Variants in RNLS observed in about 807,000 individuals in gnomAD.
The protein encoded by RNLS is renalase, FAD dependent amine oxidase, also known as renalase.
Under a neutral mutation model 39.8 loss-of-function variants are expected in RNLS, and 39 were observed. That is an observed-to-expected ratio of 0.98 (90% CI 0.76 to 1.28). RNLS has a LOEUF of 1.28. Ranked by LOEUF, RNLS falls within the 50% of genes most tolerant of loss-of-function variation. RNLS has a pLI of 0.00. For synonymous variants in RNLS, 147 were observed against 150.7 expected, an observed-to-expected ratio of 0.98 and a Z score of 0.18; for missense variants, 410 against 413.3, an observed-to-expected ratio of 0.99 and a Z score of 0.07.
At chr10:88,574,715 T>TCA (rs1850055651) in intron 3 of RNLS, among the ~76,000 whole-genome samples, 1 of 152,200 alleles carries the variant, frequency 6.6e-6, no homozygotes, top group African/African-American at 2.4e-5. Context: ...ACAGTGTGCA[T>TCA]CATTCTGTTC....
the RNLS span, among the ~76,000 whole-genome samples, chr10:88,202,133 T>C: frequency 6.6e-6 from 1 of 151,186 alleles, no homozygotes; most frequent in Non-Finnish European, 1.5e-5. Flanking sequence ...AAATGATGAG[T>C]TCATGTCCTT....
intron 5 of RNLS, among the ~76,000 whole-genome samples, chr10:88,344,666 G>A (rs1457714625): frequency 1.3e-5 from 2 of 152,018 alleles, no homozygotes; most frequent in African/African-American, 4.8e-5. Flanking sequence ...GTTCTAAAGT[G>A]CCTTTCCTGA....
chr10:88,538,052 TAA>T (rs1233993561), intron 4 of RNLS, among the ~76,000 whole-genome samples: 1 of 152,148 alleles, frequency 6.6e-6, no homozygotes, highest in East Asian at 1.9e-4. Context: ...AAAATATAAT[TAA>T]TGTTCAGAGA....
rs573595119 is a variant in RNLS at position 88,357,224 on chromosome 10, A to G, written c.700+5328T>C. ...TTTGGTATTGGTATGGTATTATTTT[A>G]CTTATCTTATTGAGGAGGCAACAGA... On this transcript the variant is annotated intron_variant, in intron 5 of 6. Transcript: ENST00000331772. 5.3e-5 allele frequency among the ~76,000 whole-genome samples: 8 copies of G among 152,328 alleles called. No homozygotes were observed. The South Asian group carries it at 1.7e-3, about 32-fold the overall frequency.
At chr10:88,174,519 T>C in the RNLS span, among the ~76,000 whole-genome samples, 18 of 152,332 alleles carry the variant, frequency 1.2e-4, no homozygotes, top group Middle Eastern at 0.014. Flanking sequence ...GAGATGATCA[T>C]ATGTTTTTTG....
At chr10:88,304,260 G>C (rs1332721397) in intron 6 of RNLS, among the ~76,000 whole-genome samples, 2 of 152,186 alleles carry the variant, frequency 1.3e-5, no homozygotes, top group East Asian at 3.8e-4. Flanking sequence ...ATCAGTGCAA[G>C]AACCCTGAAA....
At chr10:88,455,649 G>A (rs1247432699) in intron 4 of RNLS, among the ~76,000 whole-genome samples, 4 of 151,994 alleles carry the variant, frequency 2.6e-5, no homozygotes, top group Non-Finnish European at 5.9e-5. Flanking sequence ...CTCGTGATCC[G>A]CCTGCCTCGA....
chr10:88,478,196 C>A (rs1229338686), intron 4 of RNLS, among the ~76,000 whole-genome samples: 1 of 152,160 alleles, frequency 6.6e-6, no homozygotes, highest in Non-Finnish European at 1.5e-5. Flanking sequence ...TACCTAAATG[C>A]ATTCCTTGTC....
intron 4 of RNLS, among the ~76,000 whole-genome samples, chr10:88,402,097 A>G (rs1002681041): frequency 6.6e-6 from 1 of 151,864 alleles, no homozygotes; most frequent in African/African-American, 2.4e-5. Flanking sequence ...TCAAAGAATG[A>G]GGATTTTTTT....
At chr10:88,317,268 A>G (rs1410682467) in intron 5 of RNLS, among the ~76,000 whole-genome samples, 3 of 152,184 alleles carry the variant, frequency 2.0e-5, no homozygotes, top group Admixed American at 2.0e-4. Context: ...CTCAGGCTTC[A>G]CTTTTTTCCA....
chr10:88,347,784 C>T (rs2133261537), intron 5 of RNLS, among the ~76,000 whole-genome samples: 1 of 152,180 alleles, frequency 6.6e-6, no homozygotes, highest in East Asian at 1.9e-4. Context: ...TTTCTTTTCG[C>T]CCTTTCTTTG....
At chr10:88,181,049 C>G in the RNLS span, among the ~76,000 whole-genome samples, 9 of 152,158 alleles carry the variant, frequency 5.9e-5, no homozygotes, top group Non-Finnish European at 1.0e-4. Flanking sequence ...TGTTAAATTA[C>G]ATGACAACTT....
At chr10:88,505,345 G>A (rs1845728295) in intron 4 of RNLS, among the ~76,000 whole-genome samples, 1 of 151,786 alleles carries the variant, frequency 6.6e-6, no homozygotes, top group South Asian at 2.1e-4. Context: ...GTAAAAAGAG[G>A]GAAAGGAGGA....
At chr10:88,380,219 C>G (rs1851339497) in intron 4 of RNLS, among the ~76,000 whole-genome samples, 1 of 152,108 alleles carries the variant, frequency 6.6e-6, no homozygotes, top group Admixed American at 6.6e-5. Context: ...GGTTATTTGT[C>G]TTGCTCATAT....
At chr10:88,463,865 T>C (rs1443571409) in intron 4 of RNLS, among the ~76,000 whole-genome samples, 1 of 151,904 alleles carries the variant, frequency 6.6e-6, no homozygotes, top group African/African-American at 2.4e-5. Flanking sequence ...GTGTGATTCT[T>C]TGGAAACTTA....
intron 4 of RNLS, among the ~76,000 whole-genome samples, chr10:88,499,959 AG>A (rs1296693395): frequency 1.3e-5 from 2 of 152,160 alleles, no homozygotes; most frequent in Admixed American, 6.6e-5. Context: ...TAAGCTATGC[AG>A]GTTTTTAAAA....
chr10:88,173,203 G>A, the RNLS span, among the ~76,000 whole-genome samples: 4 of 152,050 alleles, frequency 2.6e-5, no homozygotes, highest in Non-Finnish European at 5.9e-5. Context: ...TAATTTCACT[G>A]ATACCCAGTT....
At chr10:88,257,284 A>G in the RNLS span, among the ~76,000 whole-genome samples, 1 of 152,226 alleles carries the variant, frequency 6.6e-6, no homozygotes, top group South Asian at 2.1e-4. Flanking sequence ...TTGTAAAACA[A>G]TTTTAGGACA....
At position 88,301,674 on chromosome 10, in the gene RNLS, G is replaced by T. The variant is rs148087307; in HGVS notation, c.876+12792C>A. ...AACAACAACAAACCAACTGGCAAGA[G>T]TTCCTTGTGTCCACAGGGATCTATC... On this transcript the variant is annotated intron_variant, in intron 6 of 6. Coordinates refer to ENST00000331772, the MANE Select transcript of RNLS (RefSeq NM_001031709.3). Among the ~76,000 whole-genome samples the T allele has an allele frequency of 1.3e-4, 20 of 152,338 alleles. No individual in the cohort carries two copies. The East Asian group carries it at 3.9e-3, about 29-fold the overall frequency.
Sources: allele counts gnomAD v4.1 joint callset (sites outside exome capture counted in the v4.1 genomes callset), GRCh38; gene constraint gnomAD v4.1.1; transcripts MANE v1.5; gene names NCBI Gene and HGNC (gene_info 2026-07-23, HGNC 2026-07-21).